ACSBG1: variants seen among roughly 807,000 people sequenced by gnomAD.
The protein encoded by ACSBG1 is long-chain-fatty-acid--CoA ligase ACSBG1.
ACSBG1 carries 39 observed loss-of-function variants against 80.2 expected under a neutral mutation model. The observed-to-expected ratio is 0.49, with a 90% CI of 0.38 to 0.64. The LOEUF is 0.64. Ranked by LOEUF, ACSBG1 falls within the 30% of genes least tolerant of loss-of-function variation. The probability of loss-of-function intolerance (pLI) is 0.00; values close to 1 mark genes in which losing one functional copy is unlikely to be tolerated. For missense variants in ACSBG1, 828 were observed against 966.4 expected, an observed-to-expected ratio of 0.86 and a Z score of 1.90; for synonymous variants, 392 against 379.5, an observed-to-expected ratio of 1.03 and a Z score of -0.38.
chr15:78,180,661 C>A (rs544929691), intron 9 of ACSBG1, 94 bp downstream of exon 9: 16 of 1,486,328 alleles, frequency 1.1e-5, no homozygotes, highest in South Asian at 6.6e-5. Context: ...CCACTGGAAC[C>A]GGGACAGGCA....
At chr15:78,181,826 G>C (rs1218906320) in intron 8 of ACSBG1, 143 bp downstream of exon 8, 1 of 1,114,196 alleles carries the variant, frequency 9.0e-7, no homozygotes, top group African/African-American at 1.6e-5. Context: ...TTCGAGTCAG[G>C]CTGTGCCCAC....
intron 3 of ACSBG1, 92 bp from the exon 4 acceptor site, chr15:78,194,112 C>T: frequency 7.9e-7 from 1 of 1,265,560 alleles, no homozygotes; most frequent in Non-Finnish European, 1.1e-6. Context: ...TGCAGGGGAC[C>T]TGCAGGCTCC....
intron 1 of ACSBG1, among the ~76,000 whole-genome samples, 157 bp downstream of exon 1, chr15:78,234,214 C>T (rs10162606): frequency 0.58 from 88,435 of 152,032 alleles, 27,050 homozygotes; most frequent in Non-Finnish European, 0.68. Context: ...ATGACCAGTT[C>T]TTCCATCTTA....
At chr15:78,223,238 C>T (rs941495724) in intron 1 of ACSBG1, among the ~76,000 whole-genome samples, 1 of 120,768 alleles carries the variant, frequency 8.3e-6, no homozygotes, top group Non-Finnish European at 1.6e-5. Flanking sequence ...AATAGAGGCG[C>T]TGAACAATGA....
At chr15:78,195,125 T>C (rs1262862954) in intron 2 of ACSBG1, among the ~76,000 whole-genome samples, 1 of 152,146 alleles carries the variant, frequency 6.6e-6, no homozygotes, top group Non-Finnish European at 1.5e-5. Flanking sequence ...TGGGGACAGA[T>C]CCAGCTAGAC....
At chr15:78,231,906 A>C (rs890557666) in intron 1 of ACSBG1, among the ~76,000 whole-genome samples, 5 of 152,192 alleles carry the variant, frequency 3.3e-5, no homozygotes, top group Admixed American at 2.0e-4. Flanking sequence ...ACTTTAGAAC[A>C]ATGTTTTACA....
chr15:78,208,903 T>C (rs1054823823), intron 1 of ACSBG1, among the ~76,000 whole-genome samples: 1 of 152,352 alleles, frequency 6.6e-6, no homozygotes, highest in South Asian at 2.1e-4. Context: ...ACCTCCTAGA[T>C]GGCTGAGCAG....
chr15:78,199,091 TTTC>T (rs577794308), intron 2 of ACSBG1, among the ~76,000 whole-genome samples: 81 of 151,906 alleles, frequency 5.3e-4, no homozygotes, highest in African/African-American at 1.4e-3. Context: ...GCGCAATATT[TTTC>T]TTTTCTTTTC....
rs140071382 is a variant in ACSBG1, at chr15:78,178,792, C to T, written c.1524G>A (p.Val508=). 195 of 1,613,572 alleles carry T rather than the reference C, an allele frequency of 1.2e-4. No homozygotes were observed. Among genetic ancestry groups the T allele is most frequent in the Non-Finnish European group, 1.5e-4 (181 of 1,180,036 alleles). Residue 508 remains valine (V), a synonymous_variant, in exon 11 of 14, where the codon GTG becomes GTA. Coordinates refer to ENST00000258873, the MANE Select transcript of ACSBG1 (RefSeq NM_015162.5). This position sits in a 1 kb window ranked among gnomAD's most constrained non-coding sequence, Gnocchi z 4.3. ...CGCCAATGCCCTCTGCGTCCTGGTTCACCAGCTTCACCCGACAGCCGGGCA... is the reference window on the plus strand; with the variant it reads ...CGCCAATGCCCTCTGCGTCCTGGTTTACCAGCTTCACCCGACAGCCGGGCA... ...KLVPGCRVKL[V]NQDAEGIGEI...
intron 1 of ACSBG1, among the ~76,000 whole-genome samples, chr15:78,214,535 G>A (rs188753727): frequency 5.3e-4 from 80 of 152,242 alleles, no homozygotes; most frequent in African/African-American, 1.9e-3. Context: ...CACCTCCCAG[G>A]TTTAAGTGAT....
chr15:78,210,710 C>G (rs1368189722), intron 1 of ACSBG1, among the ~76,000 whole-genome samples: 1 of 152,216 alleles, frequency 6.6e-6, no homozygotes, highest in Non-Finnish European at 1.5e-5. Flanking sequence ...AACTCCTAGG[C>G]TCAAGCAATC....
chr15:78,178,871 G>A lies in ACSBG1; in HGVS notation c.1485-40C>T, dbSNP rs369372999. ...GCCGGGAGACTGGTCAGAGGGAGCC[G>A]TCTCCTCCAAGCCCCCACTGGGGAG... is the stretch of plus-strand genomic sequence containing the variant. On this transcript the variant is annotated intron_variant, in intron 10 of 13. Coordinates refer to ENST00000258873, the MANE Select transcript of ACSBG1 (RefSeq NM_015162.5). This position sits in a 1 kb window ranked among gnomAD's most constrained non-coding sequence, Gnocchi z 4.3. The A allele has an allele frequency of 1.1e-4, 178 of 1,558,508 alleles. No individual in the cohort carries two copies. In the African/African-American group the frequency reaches 1.9e-3, roughly 17 times the overall value.
chr15:78,215,532 T>G (rs564050200), intron 1 of ACSBG1, among the ~76,000 whole-genome samples: 79 of 152,216 alleles, frequency 5.2e-4, no homozygotes, highest in African/African-American at 1.8e-3. Context: ...GGTGCATGCC[T>G]GTAATCCCAG....
intron 5 of ACSBG1, among the ~76,000 whole-genome samples, chr15:78,190,125 T>C (rs1488955844): frequency 6.6e-6 from 1 of 152,114 alleles, no homozygotes; most frequent in Non-Finnish European, 1.5e-5. Flanking sequence ...GATACTCAGC[T>C]GGACTGGGTG....
At chr15:78,182,999 A>T (rs1240033450) in intron 5 of ACSBG1, 1 of 590,762 alleles carries the variant, frequency 1.7e-6, no homozygotes. Context: ...GGGACTGGGG[A>T]TGACTCCCCA....
intron 1 of ACSBG1, among the ~76,000 whole-genome samples, chr15:78,229,394 T>C (rs1371123945): frequency 6.6e-6 from 1 of 152,206 alleles, no homozygotes; most frequent in Non-Finnish European, 1.5e-5. Context: ...AGATAGTCCA[T>C]GTTTAAGGAC....
chr15:78,174,430 G>A lies in ACSBG1; in HGVS notation c.1797C>T (p.Leu599=), dbSNP rs770881006. The change falls in exon 12 of 14, where the codon CTC becomes CTT. Residue 599 remains leucine, a synonymous_variant. Coordinates refer to ENST00000258873, the MANE Select transcript of ACSBG1 (RefSeq NM_015162.5). ...MELPIISNAM[L]IGDQRKFLSM... ...ACAGGAACTTCCTCTGGTCCCCAAT[G>A]AGCATGGCGTTGCTGATGATGGGCA... is the stretch of plus-strand genomic sequence containing the variant. 1.2e-6 allele frequency: 2 copies of A among 1,614,194 alleles called. No homozygotes were observed. Among genetic ancestry groups the A allele is most frequent in the East Asian group, 2.2e-5 (1 of 44,876 alleles).
intron 8 of ACSBG1, 151 bp downstream of exon 8, chr15:78,181,818 C>T (rs565208094): frequency 4.4e-5 from 46 of 1,051,392 alleles, no homozygotes; most frequent in South Asian, 1.5e-4. Flanking sequence ...TTTGGTCATT[C>T]GAGTCAGGCT....
intron 2 of ACSBG1, among the ~76,000 whole-genome samples, chr15:78,205,370 C>T (rs1235688008): frequency 6.6e-6 from 1 of 152,118 alleles, no homozygotes; most frequent in Non-Finnish European, 1.5e-5. Flanking sequence ...AGAGTGAACC[C>T]TGATTCCTGT....
Sources: allele counts gnomAD v4.1 joint callset (sites outside exome capture counted in the v4.1 genomes callset), GRCh38; gene constraint gnomAD v4.1.1; non-coding constraint Gnocchi (gnomAD v3.1); transcripts MANE v1.5; gene names NCBI Gene and HGNC (gene_info 2026-07-23, HGNC 2026-07-21).